Variants in ANKRD36 observed in about 807,000 individuals in gnomAD.
ANKRD36 encodes ankyrin repeat domain 36, also known as ankyrin repeat domain-containing protein 36A.
ANKRD36 carries 179 observed loss-of-function variants against 278.1 expected under a neutral mutation model. That is an observed-to-expected ratio of 0.64 (90% CI 0.57 to 0.73). The LOEUF is 0.73. ANKRD36 is among the 30% of genes least tolerant of loss of function. The pLI, the probability that ANKRD36 is intolerant of heterozygous loss-of-function variation, is 0.00. For missense variants in ANKRD36, 1,159 were observed against 1,956.7 expected (o/e 0.59, Z 7.69); for synonymous variants, 320 against 641.1 (o/e 0.50, Z 7.57).
chr2:97,192,930 T>A (rs1226817066), intron 37 of ANKRD36, 44 bp downstream of exon 37: 1 of 1,599,188 alleles, frequency 6.3e-7, no homozygotes, highest in South Asian at 1.1e-5. Context: ...TAAGGTATGG[T>A]CTATGAAACA....
intron 58 of ANKRD36, 26 bp downstream of exon 58, chr2:97,211,767 G>C (rs1276632784): frequency 1.9e-6 from 3 of 1,556,074 alleles, no homozygotes; most frequent in Non-Finnish European, 2.6e-6. Context: ...CATTTAATAT[G>C]ATGTTCGGTC....
Position 97,118,081 on chromosome 2 carries a change from C to T in ANKRD36, c.215C>T (p.Ala72Val), listed in dbSNP as rs1559196677. The T allele has an allele frequency of 1.9e-6, 3 of 1,554,994 alleles. No homozygotes were observed. The highest frequency in any genetic ancestry group is 2.6e-6 in the Non-Finnish European group (3 of 1,148,586). Reference protein sequence around the residue: ...DRKERTALHLACATGQPEMVH... With the variant: ...DRKERTALHLVCATGQPEMVH... ...TCTCACAGGACCGCCCTACATTTGG[C>T]CTGTGCCACTGGCCAACCGGAAATG... is the stretch of plus-strand genomic sequence containing the variant. The change falls in exon 2 of 76, where the codon GCC becomes GTC. Residue 72 changes from alanine (A) to valine (V), a missense_variant. By Grantham distance (64) the Ala-to-Val change is moderately conservative. Transcript: ENST00000420699.
chr2:97,195,660 C>T (rs2059556995), intron 40 of ANKRD36, among the ~76,000 whole-genome samples: 1 of 151,928 alleles, frequency 6.6e-6, no homozygotes, highest in South Asian at 2.1e-4. Flanking sequence ...ATGGTGGCTT[C>T]CTTGTTCAAG....
intron 67 of ANKRD36, among the ~76,000 whole-genome samples, chr2:97,225,567 G>A (rs1363471775): frequency 6.6e-6 from 1 of 152,058 alleles, no homozygotes; most frequent in Non-Finnish European, 1.5e-5. Context: ...ATATAACACT[G>A]TCAATCATAT....
chr2:97,200,074 T>C (rs1311456157), intron 44 of ANKRD36, among the ~76,000 whole-genome samples: 1 of 151,886 alleles, frequency 6.6e-6, no homozygotes, highest in Non-Finnish European at 1.5e-5. Context: ...CACATTGAGA[T>C]TGACACGGTT....
At chr2:97,211,924 A>C (rs1167768312) in intron 58 of ANKRD36, among the ~76,000 whole-genome samples, 183 bp downstream of exon 58, 1 of 151,876 alleles carries the variant, frequency 6.6e-6, no homozygotes, top group Non-Finnish European at 1.5e-5. Flanking sequence ...TGATGGAAGT[A>C]CTAAGATTAT....
At chr2:97,117,181 A>G (rs565149083) in intron 1 of ANKRD36, among the ~76,000 whole-genome samples, 17 of 151,972 alleles carry the variant, frequency 1.1e-4, no homozygotes, top group Non-Finnish European at 2.4e-4. Flanking sequence ...AATTTACATA[A>G]CATTCTGTAA....
chr2:97,212,596 G>A (rs1449302246), intron 58 of ANKRD36: 1 of 152,558 alleles, frequency 6.6e-6, no homozygotes, highest in Non-Finnish European at 1.5e-5. Context: ...AAAATATGTT[G>A]AATTCTAATT....
chr2:97,208,082 G>A (rs2063360976), intron 54 of ANKRD36, 76 bp downstream of exon 54: 1 of 1,366,160 alleles, frequency 7.3e-7, no homozygotes, highest in South Asian at 1.3e-5. Flanking sequence ...TAAATCAGCG[G>A]GGGGCTCGTT....
chr2:97,176,646 G>A (rs1484051590), intron 22 of ANKRD36, among the ~76,000 whole-genome samples: 2 of 149,792 alleles, frequency 1.3e-5, no homozygotes, highest in Non-Finnish European at 3.0e-5. Flanking sequence ...ATATTGTTAT[G>A]TGTGAATTTG....
intron 48 of ANKRD36, 122 bp downstream of exon 48, chr2:97,202,515 C>T: frequency 3.5e-6 from 5 of 1,443,894 alleles, no homozygotes; most frequent in Non-Finnish European, 4.6e-6. Context: ...GCTGGAGATT[C>T]TTCATTTGTA....
chr2:97,208,650 C>A (rs1575987220), intron 54 of ANKRD36, among the ~76,000 whole-genome samples: 1 of 146,332 alleles, frequency 6.8e-6, no homozygotes, highest in South Asian at 2.1e-4. Context: ...CCACACTGAC[C>A]CATTACTCCT....
In ANKRD36 at chr2:97,185,608, A is replaced by T. The variant is rs13417266; in HGVS notation, c.2041+98A>T. 2.1e-6 allele frequency: 3 copies of T among 1,412,262 alleles called. 1 individual carries two copies. The Admixed American group carries it at 6.1e-5, about 29-fold the overall frequency. 87.5% of individuals were successfully genotyped at this position (1,412,262 alleles called of 1,614,324 possible). A position where few individuals can be genotyped will look rare whatever the true frequency, so the allele number is the denominator to read the frequency against. On this transcript the variant is annotated intron_variant, in intron 30 of 75. Transcript: ENST00000420699. ...AGCGGGGGGCTCGTCAAAGCTGCACATTCTGATTCAGCAGGCCCGAGATTC... is the reference window on the plus strand; with the variant it reads ...AGCGGGGGGCTCGTCAAAGCTGCACTTTCTGATTCAGCAGGCCCGAGATTC...
At chr2:97,117,977 A>G in intron 1 of ANKRD36, 87 bp from the exon 2 acceptor site, 4 of 1,489,866 alleles carry the variant, frequency 2.7e-6, no homozygotes, top group Non-Finnish European at 3.6e-6. Context: ...TCACAAGAAA[A>G]TTACATATTT....
At chr2:97,180,282 A>G (rs1441010855) in intron 24 of ANKRD36, among the ~76,000 whole-genome samples, 2 of 151,628 alleles carry the variant, frequency 1.3e-5, no homozygotes, top group African/African-American at 2.4e-5. Flanking sequence ...TATTATAGGC[A>G]TCGTATCATA....
intron 37 of ANKRD36, 26 bp from the exon 38 acceptor site, chr2:97,192,955 A>G (rs2058864788): frequency 6.3e-7 from 1 of 1,585,420 alleles, no homozygotes; most frequent in Non-Finnish European, 8.6e-7. Context: ...TTATTAATTT[A>G]TTATTTCATT....
rs1185876340 is a variant in ANKRD36, at chr2:97,158,646, T to C, written c.1380T>C (p.Asn460=). The C allele has an allele frequency of 2.6e-6, 4 of 1,536,438 alleles. No individual in the cohort carries two copies. The highest frequency in any genetic ancestry group is 3.5e-6 in the Non-Finnish European group (4 of 1,146,686). Residue 460 remains asparagine (N), a synonymous_variant, in exon 17 of 76, where the codon AAT becomes AAC. Coordinates refer to ENST00000420699, the MANE Select transcript of ANKRD36 (RefSeq NM_001354587.1). ...ATGGAAACATGTTTGAAGACCAAAATGTTGATAAGGTAAATGAAGATGTGG... is the reference window on the plus strand; with the variant it reads ...ATGGAAACATGTTTGAAGACCAAAACGTTGATAAGGTAAATGAAGATGTGG... The part of the protein sequence containing the change: ...TENGNMFEDQ[N]VDKEGKALPA...
chr2:97,178,478 C>A (rs888108938), intron 22 of ANKRD36, among the ~76,000 whole-genome samples: 1 of 151,740 alleles, frequency 6.6e-6, no homozygotes, highest in Non-Finnish European at 1.5e-5. Flanking sequence ...CACATATACA[C>A]CATGGAATAC....
chr2:97,185,152 T>G (rs2057128411), intron 28 of ANKRD36, among the ~76,000 whole-genome samples, 164 bp from the exon 29 acceptor site: 1 of 151,828 alleles, frequency 6.6e-6, no homozygotes, highest in Non-Finnish European at 1.5e-5. Flanking sequence ...TGTATTTCTT[T>G]TTTTTCAGTG....
Sources: allele counts gnomAD v4.1 joint callset (sites outside exome capture counted in the v4.1 genomes callset), GRCh38; gene constraint gnomAD v4.1.1; transcripts MANE v1.5; gene names NCBI Gene and HGNC (gene_info 2026-07-23, HGNC 2026-07-21).